Variants in PRKAG2 observed in about 807,000 individuals in gnomAD.
PRKAG2 encodes the protein 5'-AMP-activated protein kinase subunit gamma-2.
Under a neutral mutation model 69.6 loss-of-function variants are expected in PRKAG2, and 26 were observed. The ratio of observed to expected loss-of-function variants is 0.37; its 90% CI spans 0.27 to 0.52. The LOEUF is 0.52. PRKAG2 is among the 20% of genes least tolerant of loss of function. The probability of loss-of-function intolerance (pLI) is 0.90; values close to 1 mark genes in which losing one functional copy is unlikely to be tolerated. For missense variants in PRKAG2, 557 were observed against 740.0 expected, an observed-to-expected ratio of 0.75 and a Z score of 2.87; for synonymous variants, 293 against 285.0, an observed-to-expected ratio of 1.03 and a Z score of -0.28.
intron 4 of PRKAG2, chr7:151,633,163 C>G (rs1825103654): frequency 6.6e-6 from 1 of 152,256 alleles, no homozygotes; most frequent in Non-Finnish European, 1.5e-5. Context: ...AAGAGGAAGT[C>G]CTGAAAATGC....
chr7:151,767,451 C>A lies in PRKAG2; in HGVS notation c.466+13701G>T, dbSNP rs547024860. Among the ~76,000 whole-genome samples the A allele has an allele frequency of 3.3e-5, 5 of 152,276 alleles. No homozygotes were observed. In the East Asian group the frequency reaches 9.6e-4, roughly 29 times the overall value. On this transcript the variant is annotated intron_variant, in intron 3 of 15. Coordinates refer to ENST00000287878, the MANE Select transcript of PRKAG2 (RefSeq NM_016203.4). Reference sequence around the variant, plus strand: ...GATTACAGGCATCTGCCACCATGTGCGGCTAGTTTTTGTATTTTTAGTAGA... The same window carrying A: ...GATTACAGGCATCTGCCACCATGTGAGGCTAGTTTTTGTATTTTTAGTAGA...
At chr7:151,679,085 G>A (rs1455577298) in intron 3 of PRKAG2, among the ~76,000 whole-genome samples, 2 of 152,192 alleles carry the variant, frequency 1.3e-5, no homozygotes, top group South Asian at 2.1e-4. Context: ...AGGTCCTGAT[G>A]TGGTTTAGCA....
intron 3 of PRKAG2, among the ~76,000 whole-genome samples, chr7:151,682,790 G>A (rs959640184): frequency 1.3e-5 from 2 of 151,876 alleles, no homozygotes; most frequent in African/African-American, 4.8e-5. Context: ...GAAAGCAGGG[G>A]GGAGCTCAGG....
At chr7:151,778,491 T>C (rs1240595991) in intron 3 of PRKAG2, among the ~76,000 whole-genome samples, 1 of 152,126 alleles carries the variant, frequency 6.6e-6, no homozygotes, top group Non-Finnish European at 1.5e-5. Flanking sequence ...CAATGCAAAA[T>C]GGAGCAACAC....
At chr7:151,654,088 T>C (rs1015082751) in intron 4 of PRKAG2, among the ~76,000 whole-genome samples, 1 of 151,286 alleles carries the variant, frequency 6.6e-6, no homozygotes, top group Non-Finnish European at 1.5e-5. Flanking sequence ...GTTTTATAGA[T>C]GCTGGGGTTT....
chr7:151,564,056 A>G, intron 14 of PRKAG2, 22 bp downstream of exon 14: 1 of 1,613,810 alleles, frequency 6.2e-7, no homozygotes, highest in East Asian at 2.2e-5. Flanking sequence ...TCGGGGGAGC[A>G]GGACTGGGAA....
intron 3 of PRKAG2, among the ~76,000 whole-genome samples, chr7:151,759,673 G>A (rs1021561115): frequency 9.9e-5 from 15 of 152,180 alleles, no homozygotes; most frequent in African/African-American, 3.6e-4. Context: ...TTTCCCCCAG[G>A]CAGGACCAAC....
intron 1 of PRKAG2, among the ~76,000 whole-genome samples, chr7:151,830,636 T>C (rs996010318): frequency 6.6e-6 from 1 of 151,746 alleles, no homozygotes; most frequent in African/African-American, 2.4e-5. Flanking sequence ...ATGGGACTCA[T>C]GAGGGGCAGC....
intron 1 of PRKAG2, among the ~76,000 whole-genome samples, chr7:151,866,064 G>T (rs956614600): frequency 6.6e-6 from 1 of 152,034 alleles, no homozygotes; most frequent in East Asian, 1.9e-4. Flanking sequence ...GAGAAGACAG[G>T]TTATTTATTT....
chr7:151,631,887 C>T (rs1824535678), intron 5 of PRKAG2, 182 bp downstream of exon 5: 1 of 530,022 alleles, frequency 1.9e-6, no homozygotes, highest in Admixed American at 3.6e-5. Flanking sequence ...CGGTACCCCG[C>T]AGCCCGAGCT....
intron 1 of PRKAG2, among the ~76,000 whole-genome samples, chr7:151,803,937 C>CAAAA (rs71198732): frequency 9.3e-6 from 1 of 107,062 alleles, no homozygotes; most frequent in African/African-American, 3.3e-5. Flanking sequence ...GACTATGTCT[C>CAAAA]AAAAAAAAAA....
At chr7:151,849,362 C>T (rs1586717612) in intron 1 of PRKAG2, among the ~76,000 whole-genome samples, 4 of 152,318 alleles carry the variant, frequency 2.6e-5, no homozygotes, top group Admixed American at 2.6e-4. Flanking sequence ...CAAGCGATGT[C>T]AGGATGATGG....
chr7:151,701,569 C>T (rs189581591), intron 3 of PRKAG2, among the ~76,000 whole-genome samples: 7 of 152,188 alleles, frequency 4.6e-5, no homozygotes, highest in African/African-American at 1.4e-4. Context: ...GCCGGCCGGG[C>T]GTGGTGGCTC....
intron 1 of PRKAG2, among the ~76,000 whole-genome samples, chr7:151,824,165 A>C (rs1325052077): frequency 6.6e-6 from 1 of 152,230 alleles, no homozygotes; most frequent in East Asian, 1.9e-4. Context: ...TCAGGGACTC[A>C]AGGGCATGCC....
chr7:151,708,044 C>T (rs1354633253), intron 3 of PRKAG2, among the ~76,000 whole-genome samples: 1 of 152,188 alleles, frequency 6.6e-6, no homozygotes, highest in African/African-American at 2.4e-5. Flanking sequence ...TGAACTGGCC[C>T]CCGCTGTCCA....
At chr7:151,819,849 C>T (rs572602891) in intron 1 of PRKAG2, among the ~76,000 whole-genome samples, 9 of 152,304 alleles carry the variant, frequency 5.9e-5, no homozygotes, top group Admixed American at 3.9e-4. Context: ...GCAGCTCCTG[C>T]GGTGGCTGAC....
At chr7:151,874,109 G>A (rs1413597749) in intron 1 of PRKAG2, among the ~76,000 whole-genome samples, 1 of 141,110 alleles carries the variant, frequency 7.1e-6, no homozygotes, top group African/African-American at 2.6e-5. Context: ...TGTATATGAT[G>A]TATATGTATA....
intron 3 of PRKAG2, among the ~76,000 whole-genome samples, chr7:151,755,389 G>C (rs1447601116): frequency 6.6e-6 from 1 of 152,136 alleles, no homozygotes; most frequent in African/African-American, 2.4e-5. Flanking sequence ...ACATGAGCCT[G>C]AGCAGAGGAA....
At chr7:151,716,971 G>A (rs1292304062) in intron 3 of PRKAG2, among the ~76,000 whole-genome samples, 1 of 152,196 alleles carries the variant, frequency 6.6e-6, no homozygotes, top group Non-Finnish European at 1.5e-5. Flanking sequence ...GGTGGGCCGG[G>A]TGTGGTGGCT....
Sources: gnomAD v4.1 joint callset for allele counts (sites outside exome capture counted in the v4.1 genomes callset) on GRCh38, gnomAD v4.1.1 for gene constraint, MANE v1.5 for transcripts, NCBI Gene and HGNC (gene_info 2026-07-23, HGNC 2026-07-21) for gene names.